Variants in PAM observed in about 807,000 individuals in gnomAD.
The protein encoded by PAM is peptidylglycine alpha-amidating monooxygenase.
A neutral mutation model predicts 122.1 loss-of-function variants in PAM; 72 were observed. The ratio of observed to expected loss-of-function variants is 0.59; its 90% CI spans 0.49 to 0.72. PAM has a LOEUF of 0.72. Among genes scored for constraint, PAM ranks in the 30% least tolerant of loss-of-function variants. The pLI, the probability that PAM is intolerant of heterozygous loss-of-function variation, is 0.00. For missense variants in PAM, 1,106 were observed against 1,183.7 expected, an observed-to-expected ratio of 0.93 and a Z score of 0.96; for synonymous variants, 389 against 404.4, an observed-to-expected ratio of 0.96 and a Z score of 0.46.
chr5:102,868,888 T>C (rs528971340), intron 3 of PAM, among the ~76,000 whole-genome samples: 1 of 152,336 alleles, frequency 6.6e-6, no homozygotes, highest in African/African-American at 2.4e-5. Context: ...CTTAGAGGAA[T>C]TGATTATAAA....
At chr5:102,976,956 T>G (rs1767874654) in intron 15 of PAM, among the ~76,000 whole-genome samples, 1 of 152,184 alleles carries the variant, frequency 6.6e-6, no homozygotes, top group Non-Finnish European at 1.5e-5. Context: ...CCCTCACTGC[T>G]TAGAAGATGG....
Position 102,907,914 on chromosome 5 carries a change from T to C in PAM, c.269-6020T>C, listed in dbSNP as rs1479967110. ...TAGGTTGCAAAAATTTTCTCCCATT[T>C]TGTAGGTTGCCTGTTCACTCTGATG... On this transcript the variant is annotated intron_variant, in intron 4 of 25. Transcript: ENST00000438793. 2.8e-3 allele frequency among the ~76,000 whole-genome samples: 432 copies of C among 151,698 alleles called. 3 individuals carry two copies. The highest frequency in any genetic ancestry group is 9.3e-3 in the African/African-American group (387 of 41,414).
At chr5:102,779,918 T>C (rs190981875) in intron 1 of PAM, among the ~76,000 whole-genome samples, 3,007 of 95,640 alleles carry the variant, frequency 0.031, 120 homozygotes, top group African/African-American at 0.034. Context: ...TATATATATA[T>C]ACACACATAT....
intron 1 of PAM, among the ~76,000 whole-genome samples, chr5:102,835,458 A>G (rs757906778): frequency 2.6e-5 from 4 of 152,144 alleles, no homozygotes; most frequent in Non-Finnish European, 5.9e-5. Context: ...AAAAACGAAA[A>G]CACTTAAAAA....
intron 3 of PAM, among the ~76,000 whole-genome samples, chr5:102,885,977 G>C (rs756024535): frequency 5.3e-5 from 8 of 151,968 alleles, no homozygotes; most frequent in Admixed American, 6.6e-5. Context: ...GAAGACTGCA[G>C]GTTCTTTGGA....
At chr5:102,902,947 G>A (rs1798426662) in intron 4 of PAM, among the ~76,000 whole-genome samples, 1 of 151,364 alleles carries the variant, frequency 6.6e-6, no homozygotes, top group African/African-American at 2.4e-5. Flanking sequence ...TATATATCCT[G>A]TGTGTTATTG....
At chr5:102,953,991 C>T (rs939046721) in intron 12 of PAM, among the ~76,000 whole-genome samples, 1 of 151,838 alleles carries the variant, frequency 6.6e-6, no homozygotes. Flanking sequence ...TCAGACTGGG[C>T]TATAGAGTAA....
chr5:102,769,468 G>T (rs1755113489), intron 1 of PAM, among the ~76,000 whole-genome samples: 1 of 152,066 alleles, frequency 6.6e-6, no homozygotes, highest in Non-Finnish European at 1.5e-5. Flanking sequence ...TTTTCTTGTA[G>T]AAGTTTCATA....
chr5:103,003,652 A>G (rs1294682517), intron 17 of PAM, among the ~76,000 whole-genome samples: 1 of 152,172 alleles, frequency 6.6e-6, no homozygotes, highest in Admixed American at 6.5e-5. Flanking sequence ...TTAAGTTCCC[A>G]GGTGATTTTA....
intron 7 of PAM, among the ~76,000 whole-genome samples, chr5:102,930,111 T>C (rs1750964123): frequency 6.6e-6 from 1 of 152,176 alleles, no homozygotes; most frequent in African/African-American, 2.4e-5. Flanking sequence ...GTTTTGGAAA[T>C]TACACAGAAT....
At chr5:102,871,175 G>T (rs918226662) in intron 3 of PAM, among the ~76,000 whole-genome samples, 4 of 152,166 alleles carry the variant, frequency 2.6e-5, no homozygotes, top group African/African-American at 9.7e-5. Context: ...TAACTGGCTA[G>T]TCCTGTTCCT....
chr5:102,825,099 C>CTCTTT (rs1309485773), intron 1 of PAM, among the ~76,000 whole-genome samples: 3 of 152,148 alleles, frequency 2.0e-5, no homozygotes, highest in Non-Finnish European at 2.9e-5. Context: ...GGCTCCTGAC[C>CTCTTT]TGTAACATTT....
intron 1 of PAM, among the ~76,000 whole-genome samples, chr5:102,831,187 C>T (rs755116718): frequency 7.1e-4 from 108 of 152,196 alleles, no homozygotes; most frequent in Non-Finnish European, 7.2e-4. Flanking sequence ...TTCCTAGTCA[C>T]TTTATTATAA....
At chr5:102,833,614 A>G (rs775651017) in intron 1 of PAM, among the ~76,000 whole-genome samples, 3 of 152,200 alleles carry the variant, frequency 2.0e-5, no homozygotes, top group African/African-American at 4.8e-5. Context: ...ATAATCCTGA[A>G]ACAGCTACTG....
At position 102,987,420 on chromosome 5, in the gene PAM, T is replaced by C. The variant is rs1022739006; in HGVS notation, c.1484-2852T>C. The C allele has an allele frequency of 3.3e-5, 12 of 359,610 alleles. 1 individual carries two copies. The highest frequency in any genetic ancestry group is 5.5e-5 in the Non-Finnish European group (10 of 182,644). The allele number at this position is 359,610 out of a possible 1,614,324, so 22.3% of individuals were successfully genotyped here. A position where few individuals can be genotyped will look rare whatever the true frequency, so the allele number is the denominator to read the frequency against. On this transcript the variant is annotated intron_variant, in intron 15 of 25. Transcript: ENST00000438793. ...AGGGGAATGGAGACAAGTTGGTTAA[T>C]GGGTACCAACATGTAGAGAGATGAA...
intron 1 of PAM, among the ~76,000 whole-genome samples, chr5:102,859,509 A>G (rs936652218): frequency 6.6e-6 from 1 of 152,184 alleles, no homozygotes; most frequent in Admixed American, 6.5e-5. Context: ...ATGTTATTGC[A>G]AAGGAGTTAA....
intron 1 of PAM, chr5:102,837,685 A>G (rs1251090685): frequency 2.6e-5 from 4 of 152,222 alleles, no homozygotes; most frequent in Non-Finnish European, 5.9e-5. Context: ...TCTCAACCTA[A>G]GAGAGCAGGA....
chr5:102,996,053 G>A (rs907818793), intron 16 of PAM, among the ~76,000 whole-genome samples: 1 of 151,828 alleles, frequency 6.6e-6, no homozygotes, highest in African/African-American at 2.4e-5. Flanking sequence ...TTGATTCATG[G>A]CATAGAATTT....
intron 1 of PAM, among the ~76,000 whole-genome samples, chr5:102,829,750 A>G (rs1336861416): frequency 1.3e-5 from 2 of 152,180 alleles, no homozygotes; most frequent in Non-Finnish European, 2.9e-5. Flanking sequence ...TCTACTTTAT[A>G]CAAATTGTCT....
Sources: allele counts gnomAD v4.1 joint callset (sites outside exome capture counted in the v4.1 genomes callset), GRCh38; gene constraint gnomAD v4.1.1; transcripts MANE v1.5; gene names NCBI Gene and HGNC (gene_info 2026-07-23, HGNC 2026-07-21).